CDH13: variants seen among roughly 807,000 people sequenced by gnomAD.
The protein encoded by CDH13 is cadherin 13, also known as cadherin-13.
In CDH13, 24 loss-of-function variants were observed where a neutral mutation model predicts 63.8. The ratio of observed to expected loss-of-function variants is 0.38; its 90% CI spans 0.27 to 0.53. The LOEUF (loss-of-function observed/expected upper bound fraction) is 0.53. CDH13 is among the 20% of genes least tolerant of loss of function. The pLI is 0.85. For missense variants in CDH13, 1,049 were observed against 903.1 expected (o/e 1.16, Z -2.07); for synonymous variants, 503 against 355.3 (o/e 1.42, Z -4.67).
chr16:83,245,889 C>G (rs183681132), intron 5 of CDH13, among the ~76,000 whole-genome samples: 1 of 152,048 alleles, frequency 6.6e-6, no homozygotes, highest in Non-Finnish European at 1.5e-5. Flanking sequence ...ACTACAGGCA[C>G]GCACCACCAT....
At chr16:82,788,908 C>T (rs950289542) in intron 1 of CDH13, among the ~76,000 whole-genome samples, 4 of 152,136 alleles carry the variant, frequency 2.6e-5, no homozygotes, top group Non-Finnish European at 5.9e-5. Context: ...TGTAGGAAGA[C>T]ATTTAAAAGA....
chr16:83,412,605 C>A (rs1381055050), intron 6 of CDH13, among the ~76,000 whole-genome samples: 1 of 152,122 alleles, frequency 6.6e-6, no homozygotes, highest in African/African-American at 2.4e-5. Context: ...ATTTGTGGTC[C>A]CCGAAGAAAG....
intron 5 of CDH13, among the ~76,000 whole-genome samples, chr16:83,260,590 G>C (rs1011941977): frequency 3.3e-5 from 5 of 152,142 alleles, no homozygotes; most frequent in Admixed American, 1.3e-4. Flanking sequence ...GAGGGACTGA[G>C]ATTCTGCTCC....
rs189030376 is a variant in CDH13, at chr16:83,384,163, C to T, written c.781+39157C>T. ...TCTAATATCTAAGGGTTTTTCTAGC[C>T]CTCCTACCTTTCGTGTTTATCAATA... On this transcript the variant is annotated intron_variant, in intron 6 of 13. Coordinates refer to ENST00000567109, the MANE Select transcript of CDH13 (RefSeq NM_001257.5). Among the ~76,000 whole-genome samples, 96 of 152,168 alleles carry T rather than the reference C, an allele frequency of 6.3e-4. 1 individual carries two copies. The highest frequency in any genetic ancestry group is 2.0e-3 in the Admixed American group (30 of 15,288).
At chr16:83,557,072 C>T (rs8052507) in intron 7 of CDH13, among the ~76,000 whole-genome samples, 2 of 152,038 alleles carry the variant, frequency 1.3e-5, no homozygotes, top group African/African-American at 4.8e-5. Context: ...CCCATTGCTC[C>T]CATTACTTCC....
At chr16:82,890,015 C>G (rs998255492) in intron 2 of CDH13, among the ~76,000 whole-genome samples, 1 of 152,196 alleles carries the variant, frequency 6.6e-6, no homozygotes, top group Non-Finnish European at 1.5e-5. Flanking sequence ...AGATTTGTGA[C>G]TACATGGTTT....
intron 6 of CDH13, among the ~76,000 whole-genome samples, chr16:83,453,307 T>A (rs1311414051): frequency 6.6e-6 from 1 of 151,958 alleles, no homozygotes; most frequent in East Asian, 1.9e-4. Context: ...TCTCACAAAT[T>A]ACCACTAAAG....
At chr16:82,643,657 A>G (rs1403532094) in intron 1 of CDH13, among the ~76,000 whole-genome samples, 1 of 152,208 alleles carries the variant, frequency 6.6e-6, no homozygotes, top group Non-Finnish European at 1.5e-5. Flanking sequence ...CTTTTGCCTC[A>G]CTGGTTATTA....
At position 82,876,720 on chromosome 16, in the gene CDH13, G is replaced by C. The variant is rs2040518434; in HGVS notation, c.157+18247G>C. 2.0e-5 allele frequency among the ~76,000 whole-genome samples: 3 copies of C among 152,176 alleles called. No individual in the cohort carries two copies. In the East Asian group the frequency reaches 5.8e-4, roughly 29 times the overall value. On this transcript the variant is annotated intron_variant, in intron 2 of 13. Coordinates refer to ENST00000567109, the MANE Select transcript of CDH13 (RefSeq NM_001257.5). ...AAATTCCTGGTAGAGAAGCTGATTG[G>C]CCTGGCATTGGGTCAAGAGCCCACT...
At chr16:83,535,714 A>T (rs374039750) in intron 7 of CDH13, among the ~76,000 whole-genome samples, 2 of 151,840 alleles carry the variant, frequency 1.3e-5, no homozygotes, top group East Asian at 1.9e-4. Context: ...GATAATGTTC[A>T]TTTTTTTTGG....
chr16:83,000,583 T>TTC (rs1468435674), intron 2 of CDH13, among the ~76,000 whole-genome samples: 3 of 149,732 alleles, frequency 2.0e-5, no homozygotes, highest in Admixed American at 1.3e-4. Context: ...TCTTTTTTTT[T>TTC]TTTTTTTGTT....
At position 82,739,710 on chromosome 16, in the gene CDH13, G is replaced by A. The variant is rs13380507; in HGVS notation, c.45+112573G>A. Among the ~76,000 whole-genome samples, 1,333 of 152,144 alleles carry A rather than the reference G, an allele frequency of 8.8e-3. 26 individuals are homozygous for A. The highest frequency in any genetic ancestry group is 0.03 in the African/African-American group (1,258 of 41,506). On this transcript the variant is annotated intron_variant, in intron 1 of 13. Transcript: ENST00000567109. ...CTCTACAAAAGAAAAAGGAAAATAC[G>A]ATGACACTCAGACTTTGTCAACTTT... is the stretch of plus-strand genomic sequence containing the variant.
In CDH13 at chr16:83,691,071, CGTGTGTGTGTGTGTGTGT is replaced by C. The variant is rs58023339; in HGVS notation, c.1538+12641_1538+12658del. ...ACAGGGATTTGCTAACCAACTGTGC[CGTGTGTGTGTGTGTGTGT>C]GTGTGTGTGTGTGTGTGTGTGTGTG... On this transcript the variant is annotated intron_variant, in intron 10 of 13. Transcript: ENST00000567109. Among the ~76,000 whole-genome samples the C allele has an allele frequency of 7.0e-4, 98 of 141,004 alleles. No individual in the cohort carries two copies. The Middle Eastern group carries it at 0.015, about 21-fold the overall frequency. 92.5% of individuals were successfully genotyped at this position (141,004 alleles called of 152,430 possible). A position where few individuals can be genotyped will look rare whatever the true frequency, so the allele number is the denominator to read the frequency against.
chr16:83,615,839 C>G (rs564607584), intron 8 of CDH13, among the ~76,000 whole-genome samples: 6 of 152,316 alleles, frequency 3.9e-5, no homozygotes, highest in Non-Finnish European at 8.8e-5. Context: ...CTTCCCATCA[C>G]ATAATCGAAG....
At chr16:82,905,492 A>T (rs879012246) in intron 2 of CDH13, among the ~76,000 whole-genome samples, 1 of 151,912 alleles carries the variant, frequency 6.6e-6, no homozygotes, top group Non-Finnish European at 1.5e-5. Context: ...CAGCAAATTA[A>T]AAACAAAGCC....
intron 8 of CDH13, among the ~76,000 whole-genome samples, chr16:83,660,214 T>C (rs1598428836): frequency 6.6e-6 from 1 of 152,176 alleles, no homozygotes; most frequent in South Asian, 2.1e-4. Flanking sequence ...ATTTCTATTA[T>C]TATTACATTG....
intron 10 of CDH13, among the ~76,000 whole-genome samples, chr16:83,699,816 G>C (rs974365041): frequency 1.3e-5 from 2 of 152,084 alleles, no homozygotes; most frequent in East Asian, 1.9e-4. Context: ...CATCCCATCC[G>C]TCTGTATTTC....
intron 3 of CDH13, among the ~76,000 whole-genome samples, chr16:83,068,548 T>C (rs1480713251): frequency 1.3e-5 from 2 of 152,188 alleles, no homozygotes; most frequent in African/African-American, 4.8e-5. Flanking sequence ...AACCAGCCTC[T>C]TTAAACACTA....
intron 6 of CDH13, among the ~76,000 whole-genome samples, chr16:83,373,739 C>G (rs1188887957): frequency 1.3e-5 from 2 of 152,176 alleles, no homozygotes; most frequent in African/African-American, 4.8e-5. Flanking sequence ...TTACCTTTCA[C>G]TAGTTGAGGG....
Sources: allele counts gnomAD v4.1 joint callset (sites outside exome capture counted in the v4.1 genomes callset), GRCh38; gene constraint gnomAD v4.1.1; transcripts MANE v1.5; gene names NCBI Gene and HGNC (gene_info 2026-07-23, HGNC 2026-07-21).